Variants in ABR observed in about 807,000 individuals in gnomAD.
The protein encoded by ABR is active breakpoint cluster region-related protein.
A neutral mutation model predicts 107.2 loss-of-function variants in ABR; 35 were observed. The ratio of observed to expected loss-of-function variants is 0.33; its 90% CI spans 0.25 to 0.43. The LOEUF (loss-of-function observed/expected upper bound fraction) is 0.43. Ranked by LOEUF, ABR falls within the 20% of genes least tolerant of loss-of-function variation. ABR has a pLI of 1.00. For missense variants in ABR, 815 were observed against 1,115.2 expected, an observed-to-expected ratio of 0.73 and a Z score of 3.83; for synonymous variants, 498 against 462.0, an observed-to-expected ratio of 1.08 and a Z score of -1.00.
At chr17:1,125,131 G>T in intron 2 of ABR, 52 bp downstream of exon 2, 1 of 1,515,126 alleles carries the variant, frequency 6.6e-7, no homozygotes, top group South Asian at 1.3e-5. Context: ...ACGATGCCCA[G>T]GCCTTCCCGT....
intron 2 of ABR, among the ~76,000 whole-genome samples, chr17:1,121,357 C>T (rs1352736128): frequency 6.6e-6 from 1 of 152,258 alleles, no homozygotes; most frequent in Non-Finnish European, 1.5e-5. Flanking sequence ...ATTGATCAGA[C>T]TTGGTCTTTG....
In ABR at chr17:1,048,634, C is replaced by T. The variant is rs544297252; in HGVS notation, c.1791+1416G>A. ...TCGGCGCCCAGCTGCGCCTGGATCACGTCCGGGGCCACGGTCAAGAAGCTC... is the reference window on the plus strand; with the variant it reads ...TCGGCGCCCAGCTGCGCCTGGATCATGTCCGGGGCCACGGTCAAGAAGCTC... On this transcript the variant is annotated intron_variant, in intron 16 of 22. Coordinates refer to ENST00000302538, the MANE Select transcript of ABR (RefSeq NM_021962.5). 4.7e-5 allele frequency among the ~76,000 whole-genome samples: 6 copies of T among 127,568 alleles called. No individual in the cohort carries two copies. The East Asian group carries it at 8.2e-4, about 18-fold the overall frequency. 83.7% of individuals were successfully genotyped at this position (127,568 alleles called of 152,430 possible). A position where few individuals can be genotyped will look rare whatever the true frequency, so the allele number is the denominator to read the frequency against.
At chr17:1,055,763 G>A (rs976620379) in intron 14 of ABR, 27 of 390,548 alleles carry the variant, frequency 6.9e-5, no homozygotes, top group Admixed American at 3.5e-4. Flanking sequence ...TCCTGACCTC[G>A]TGATCCGCCC....
chr17:1,046,831 G>C (rs777524946), intron 16 of ABR, among the ~76,000 whole-genome samples: 1 of 152,182 alleles, frequency 6.6e-6, no homozygotes, highest in Non-Finnish European at 1.5e-5. Flanking sequence ...CTGTAAGATG[G>C]GGAGGAGGGA....
In ABR at chr17:1,082,548, A is replaced by G. The variant is rs576727030; in HGVS notation, c.639+972T>C. Among the ~76,000 whole-genome samples, 4 of 152,130 alleles carry G rather than the reference A, an allele frequency of 2.6e-5. No individual in the cohort carries two copies. The South Asian group carries it at 6.2e-4, about 24-fold the overall frequency. On this transcript the variant is annotated intron_variant, in intron 5 of 22. Coordinates refer to ENST00000302538, the MANE Select transcript of ABR (RefSeq NM_021962.5). The stretch of plus-strand genomic sequence containing the variant: ...CAGGAAGGCTGGGCCTCAGGAGCAG[A>G]AGCACGCGTGTTCCCGGCCAGGGAT...
At chr17:1,107,491 G>A (rs2038334780) in intron 2 of ABR, among the ~76,000 whole-genome samples, 1 of 152,230 alleles carries the variant, frequency 6.6e-6, no homozygotes, top group African/African-American at 2.4e-5. Context: ...TGAAATACGG[G>A]CTTAGCTGAG....
upstream of ABR, among the ~76,000 whole-genome samples, chr17:1,181,435 G>A (rs3813444): frequency 0.032 from 4,829 of 152,166 alleles, 128 homozygotes; most frequent in East Asian, 0.14. Context: ...TTATTAGCCC[G>A]TCCCTGCGTC....
Position 1,058,751 on chromosome 17 carries a change from A to T in ABR, c.1299T>A (p.Asn433Lys). Residue 433 changes from asparagine (N) to lysine (K), a missense_variant, in exon 11 of 23, where the codon AAT becomes AAA. By Grantham distance (94) the Asn-to-Lys change is moderately conservative. Around this residue, in one of 5 missense-constraint regions of ABR, gnomAD observed 385 missense variants for 596.9 expected, o/e 0.64. Transcript: ENST00000302538. ...CACCCCCACCCATCCTGACCTTTCC[A>T]TTCCGATTGTGGATCCTGAACGGGA... ...PTIPFRIHNR[N>K]GKSYLFLLSS... is the part of the protein sequence containing the mutation. 1 of 1,613,846 alleles carries T rather than the reference A, an allele frequency of 6.2e-7. No individual in the cohort carries two copies. Among genetic ancestry groups the T allele is most frequent in the Non-Finnish European group, 8.5e-7 (1 of 1,179,910 alleles).
intron 16 of ABR, among the ~76,000 whole-genome samples, chr17:1,026,520 T>G (rs1445200338): frequency 6.6e-6 from 1 of 152,134 alleles, no homozygotes; most frequent in Non-Finnish European, 1.5e-5. Flanking sequence ...TGGGGAAGTC[T>G]CTGTGGGGAT....
At chr17:1,195,063 T>G (rs1347189101) in intron 1 of ABR, among the ~76,000 whole-genome samples, 1 of 142,884 alleles carries the variant, frequency 7.0e-6, no homozygotes, top group Non-Finnish European at 1.5e-5. Flanking sequence ...ATCCCAGCAC[T>G]TTGGGAGGCC....
chr17:1,102,302 G>A (rs1455610189), intron 2 of ABR, among the ~76,000 whole-genome samples: 1 of 152,170 alleles, frequency 6.6e-6, no homozygotes, highest in Non-Finnish European at 1.5e-5. Context: ...GGAGTGAGAG[G>A]GCCGGGGAGA....
At chr17:1,096,452 T>C (rs2037431985) in intron 3 of ABR, among the ~76,000 whole-genome samples, 1 of 152,112 alleles carries the variant, frequency 6.6e-6, no homozygotes, top group Non-Finnish European at 1.5e-5. Flanking sequence ...TCCTCCTAGC[T>C]GAGGGGTGGG....
chr17:1,130,609 C>CA (rs1358201479), intron 1 of ABR, among the ~76,000 whole-genome samples: 5 of 152,134 alleles, frequency 3.3e-5, no homozygotes, highest in Non-Finnish European at 5.9e-5. Flanking sequence ...GTGGCCCCCC[C>CA]ACAAGGTATG....
chr17:1,170,522 C>T (rs373635519), intron 1 of ABR, among the ~76,000 whole-genome samples: 39 of 152,254 alleles, frequency 2.6e-4, no homozygotes, highest in African/African-American at 8.7e-4. Context: ...CTACAACCTC[C>T]GCCTCCCGGA....
chr17:1,055,922 G>T, intron 14 of ABR, 113 bp downstream of exon 14: 1 of 993,278 alleles, frequency 1.0e-6, no homozygotes, highest in Non-Finnish European at 1.6e-6. Flanking sequence ...CTGGTTTCTG[G>T]CCTCCAGGGG....
At chr17:1,133,243 G>GAAAAA (rs35915671) in intron 1 of ABR, among the ~76,000 whole-genome samples, 1 of 138,372 alleles carries the variant, frequency 7.2e-6, no homozygotes. Context: ...ACTCCGTCTC[G>GAAAAA]AAAAAAAAAA....
intron 1 of ABR, among the ~76,000 whole-genome samples, chr17:1,208,921 C>G (rs2042851226): frequency 2.0e-5 from 3 of 151,172 alleles, no homozygotes. Context: ...TTTGTGCCTG[C>G]CAAGTCAGTT....
At chr17:1,043,562 T>C (rs2031030602) in intron 16 of ABR, among the ~76,000 whole-genome samples, 1 of 152,232 alleles carries the variant, frequency 6.6e-6, no homozygotes, top group South Asian at 2.1e-4. Context: ...ACTCTTGCTC[T>C]GTCACCCAGG....
chr17:1,156,446 G>A (rs2041045108), intron 1 of ABR, among the ~76,000 whole-genome samples: 1 of 152,212 alleles, frequency 6.6e-6, no homozygotes, highest in Non-Finnish European at 1.5e-5. Flanking sequence ...CACTTCGGGA[G>A]GCCGAGGTGG....
Sources: gnomAD v4.1 joint callset for allele counts (sites outside exome capture counted in the v4.1 genomes callset) on GRCh38, gnomAD v4.1.1 for gene constraint, gnomAD v4.1.1 regional missense constraint, MANE v1.5 for transcripts, NCBI Gene and HGNC (gene_info 2026-07-23, HGNC 2026-07-21) for gene names.